NFIC: variants seen among roughly 807,000 people sequenced by gnomAD.
NFIC encodes nuclear factor 1 C-type.
NFIC carries 12 observed loss-of-function variants against 54.4 expected under a neutral mutation model. The ratio of observed to expected loss-of-function variants is 0.22; its 90% CI spans 0.14 to 0.36. The LOEUF is 0.36. Among genes scored for constraint, NFIC ranks in the 10% least tolerant of loss-of-function variants. The pLI is 1.00. For missense variants in NFIC, 575 were observed against 718.2 expected, an observed-to-expected ratio of 0.80 and a Z score of 2.28; for synonymous variants, 322 against 319.2, an observed-to-expected ratio of 1.01 and a Z score of -0.09.
chr19:3,403,464 A>G lies in NFIC; in HGVS notation c.562+21221A>G, dbSNP rs186167376. Reference sequence around the variant, plus strand: ...ACATCTACTTTTTGCAGCAAGGGAAACTGAGGCACAGAGCAGGGCGGAGAT... The same window carrying G: ...ACATCTACTTTTTGCAGCAAGGGAAGCTGAGGCACAGAGCAGGGCGGAGAT... On this transcript the variant is annotated intron_variant, in intron 2 of 10. Coordinates refer to ENST00000443272, the MANE Select transcript of NFIC (RefSeq NM_001245002.2). Among the ~76,000 whole-genome samples the G allele has an allele frequency of 2.4e-3, 359 of 152,294 alleles. 2 individuals are homozygous for G. The highest frequency in any genetic ancestry group is 8.3e-3 in the African/African-American group (345 of 41,568).
At chr19:3,394,579 G>A (rs2081432787) in intron 2 of NFIC, among the ~76,000 whole-genome samples, 1 of 125,322 alleles carries the variant, frequency 8.0e-6, no homozygotes, top group Non-Finnish European at 1.6e-5. Flanking sequence ...TTCAAGCACT[G>A]GATGTCACAC....
chr19:3,403,599 G>A (rs1447966314), intron 2 of NFIC, among the ~76,000 whole-genome samples: 2 of 152,306 alleles, frequency 1.3e-5, no homozygotes, highest in East Asian at 3.9e-4. Flanking sequence ...CCCAGAGAGG[G>A]GCAGGGCTTG....
chr19:3,425,660 A>G (rs965640104), intron 3 of NFIC, among the ~76,000 whole-genome samples: 2 of 151,970 alleles, frequency 1.3e-5, no homozygotes, highest in African/African-American at 4.8e-5. Flanking sequence ...GGGTTTCACC[A>G]TGTTGGCCAG....
At chr19:3,384,228 A>T (rs10420616) in intron 2 of NFIC, among the ~76,000 whole-genome samples, 5,297 of 149,156 alleles carry the variant, frequency 0.036, 291 homozygotes, top group African/African-American at 0.12. Context: ...CTAATATTTT[A>T]TATATATATA....
rs10617203 is a variant in NFIC at position 3,465,430 on chromosome 19, TAAAAAAAAAAA to T, written c.*2675_*2685del. ...AATAAAAAATAAGAAAGTGAGAATC[TAAAAAAAAAAA>T]AAAAAAAAAAAAAGGAAGAAAAACC... On this transcript the variant is annotated 3_prime_UTR_variant, in exon 11 of 11. Transcript: ENST00000443272. 15 of 60,804 alleles carry T rather than the reference TAAAAAAAAAAA, an allele frequency of 2.5e-4. No individual in the cohort carries two copies. The East Asian group carries it at 3.5e-3, about 14-fold the overall frequency. The allele number at this position is 60,804 out of a possible 1,614,324, so 3.8% of individuals were successfully genotyped here. A position where few individuals can be genotyped will look rare whatever the true frequency, so the allele number is the denominator to read the frequency against.
intron 6 of NFIC, among the ~76,000 whole-genome samples, chr19:3,438,677 T>G (rs2082245279): frequency 1.3e-5 from 2 of 151,932 alleles, no homozygotes; most frequent in African/African-American, 4.8e-5. Flanking sequence ...GACCTCGTGA[T>G]CCGCCCATCT....
chr19:3,366,542 G>T (rs1241804573), upstream of NFIC: 1 of 571,944 alleles, frequency 1.7e-6, no homozygotes, highest in East Asian at 4.0e-5. Context: ...GGCGGGGGGG[G>T]GGGTTGGGGG....
At chr19:3,431,105 C>A (rs904933362) in intron 3 of NFIC, among the ~76,000 whole-genome samples, 7 of 151,850 alleles carry the variant, frequency 4.6e-5, no homozygotes, top group African/African-American at 1.2e-4. Context: ...GAGATGAAGT[C>A]TCACTCTGAT....
At chr19:3,362,288 G>A (rs1391847682), upstream of NFIC, among the ~76,000 whole-genome samples, 2 of 152,102 alleles carry the variant, frequency 1.3e-5, no homozygotes, top group Non-Finnish European at 1.5e-5. Flanking sequence ...AAGTGCCCAT[G>A]TGTTTGTGGT....
chr19:3,404,428 C>T (rs1391581778), intron 2 of NFIC, among the ~76,000 whole-genome samples: 3 of 152,030 alleles, frequency 2.0e-5, no homozygotes, highest in Non-Finnish European at 4.4e-5. Context: ...GGCGCGGAGG[C>T]GTGGGGAGCC....
intron 2 of NFIC, among the ~76,000 whole-genome samples, chr19:3,390,581 A>G (rs892298513): frequency 3.3e-5 from 5 of 152,160 alleles, no homozygotes; most frequent in Non-Finnish European, 7.4e-5. Context: ...TGGGGATGAT[A>G]ATAATCCTGC....
intron 3 of NFIC, among the ~76,000 whole-genome samples, chr19:3,431,362 T>TC (rs2082118146): frequency 1.7e-5 from 1 of 59,580 alleles, no homozygotes; most frequent in African/African-American, 1.0e-4. Context: ...TCCTTCTTCT[T>TC]TTTTTTTTTT....
At chr19:3,395,643 T>C (rs2081450153) in intron 2 of NFIC, among the ~76,000 whole-genome samples, 1 of 151,866 alleles carries the variant, frequency 6.6e-6, no homozygotes, top group South Asian at 2.1e-4. Flanking sequence ...AGTATAGGCG[T>C]GCACCACTAC....
At chr19:3,427,604 G>A (rs2082046216) in intron 3 of NFIC, among the ~76,000 whole-genome samples, 1 of 151,906 alleles carries the variant, frequency 6.6e-6, no homozygotes, top group South Asian at 2.1e-4. Flanking sequence ...CAAGGCAGGT[G>A]GATCACCTGA....
intron 6 of NFIC, among the ~76,000 whole-genome samples, chr19:3,445,351 A>G (rs1305906844): frequency 6.6e-6 from 1 of 152,166 alleles, no homozygotes; most frequent in African/African-American, 2.4e-5. Flanking sequence ...CAGCTTGGTC[A>G]CAGACTTCAT....
At chr19:3,417,224 T>A (rs1217850257) in intron 2 of NFIC, among the ~76,000 whole-genome samples, 1 of 152,078 alleles carries the variant, frequency 6.6e-6, no homozygotes, top group African/African-American at 2.4e-5. Context: ...GGAGGGTCAC[T>A]TGAGCCCAGG....
In NFIC at chr19:3,463,333, G is replaced by T. The variant is rs1013779908; in HGVS notation, c.*564G>T. 38 of 986,566 alleles carry T rather than the reference G, an allele frequency of 3.9e-5. No individual in the cohort carries two copies. The highest frequency in any genetic ancestry group is 4.6e-5 in the Non-Finnish European group (38 of 830,964). The allele number at this position is 986,566 out of a possible 1,614,324, so 61.1% of individuals were successfully genotyped here. A position where few individuals can be genotyped will look rare whatever the true frequency, so the allele number is the denominator to read the frequency against. Reference sequence around the variant, plus strand: ...AGCCCCCACCGAGGACGCAGCCACTGGGGGGAAAGGGAGACACAGCGGACC... The same window carrying T: ...AGCCCCCACCGAGGACGCAGCCACTTGGGGGAAAGGGAGACACAGCGGACC... On this transcript the variant is annotated 3_prime_UTR_variant, in exon 11 of 11. Coordinates refer to ENST00000443272, the MANE Select transcript of NFIC (RefSeq NM_001245002.2).
chr19:3,407,120 T>G (rs965662604), intron 2 of NFIC, among the ~76,000 whole-genome samples: 35 of 152,164 alleles, frequency 2.3e-4, no homozygotes, highest in African/African-American at 8.4e-4. Flanking sequence ...CTGTTTTTTG[T>G]TTTTTGTTTT....
Position 3,449,082 on chromosome 19 carries a change from T to C in NFIC, c.1027T>C (p.Ser343Pro), listed in dbSNP as rs766831128. 2.5e-6 allele frequency: 4 copies of C among 1,611,322 alleles called. No individual in the cohort carries two copies. Among genetic ancestry groups the C allele is most frequent in the Admixed American group, 1.7e-5 (1 of 59,608 alleles). The change falls in exon 7 of 11, where the codon TCT becomes CCT. Residue 343 changes from serine to proline, a missense_variant. Physicochemically the swap from Ser to Pro is moderately conservative, Grantham distance 74. This residue lies in a region of NFIC where 447 missense variants were observed against 526.9 expected (regional missense o/e 0.85). Coordinates refer to ENST00000443272, the MANE Select transcript of NFIC (RefSeq NM_001245002.2). ...SPFNSPSPQD[S>P]PRLSSFTQHH... ...ATTCAACAGCCCGTCCCCCCAGGACTCTCCCCGCCTCTCCAGCTTCACCCA... is the reference window on the plus strand; with the variant it reads ...ATTCAACAGCCCGTCCCCCCAGGACCCTCCCCGCCTCTCCAGCTTCACCCA...
Sources: gnomAD v4.1 joint callset for allele counts (sites outside exome capture counted in the v4.1 genomes callset) on GRCh38, gnomAD v4.1.1 for gene constraint, gnomAD v4.1.1 regional missense constraint, MANE v1.5 for transcripts, NCBI Gene and HGNC (gene_info 2026-07-23, HGNC 2026-07-21) for gene names.